Variants in CHMP3 observed in about 807,000 individuals in gnomAD.
CHMP3 encodes the protein charged multivesicular body protein 3.
A neutral mutation model predicts 27.4 loss-of-function variants in CHMP3; 8 were observed. That is an observed-to-expected ratio of 0.29 (90% CI 0.17 to 0.53). CHMP3 has a LOEUF of 0.53. Among genes scored for constraint, CHMP3 ranks in the 20% least tolerant of loss-of-function variants. The pLI, the probability that CHMP3 is intolerant of heterozygous loss-of-function variation, is 0.96. For missense variants in CHMP3, 208 were observed against 271.5 expected, an observed-to-expected ratio of 0.77 and a Z score of 1.64; for synonymous variants, 86 against 85.5, an observed-to-expected ratio of 1.01 and a Z score of -0.03.
At chr2:86,544,902 GCTC>G (rs1222019182) in intron 1 of CHMP3, among the ~76,000 whole-genome samples, 3 of 151,318 alleles carry the variant, frequency 2.0e-5, no homozygotes, top group Non-Finnish European at 3.0e-5. Context: ...GGGCAGAGGC[GCTC>G]CTCACTTCCC....
At position 86,544,136 on chromosome 2, in the gene CHMP3, TC is replaced by T. The variant is rs1054008688; in HGVS notation, c.46-1825del. Among the ~76,000 whole-genome samples, 23 of 152,250 alleles carry T rather than the reference TC, an allele frequency of 1.5e-4. 1 individual carries two copies. The highest frequency in any genetic ancestry group is 1.5e-3 in the Admixed American group (23 of 15,292). On this transcript the variant is annotated intron_variant, in intron 1 of 5. Transcript: ENST00000263856. The stretch of plus-strand genomic sequence containing the variant: ...GTTGTAGCCTGTATCAGTACTTCAG[TC>T]CTTTTTATGGCTGGAAATTATTCTT...
intron 1 of CHMP3, chr2:86,561,647 G>A (rs1053068274): frequency 1.3e-5 from 2 of 152,124 alleles, no homozygotes; most frequent in African/African-American, 2.4e-5. Context: ...GTTCGGCTCT[G>A]GCAAGCATAG....
intron 1 of CHMP3, among the ~76,000 whole-genome samples, chr2:86,557,264 C>G (rs1677163643): frequency 1.3e-5 from 2 of 152,176 alleles, no homozygotes; most frequent in Admixed American, 1.3e-4. Flanking sequence ...AAACAGAAAC[C>G]TAAGAATCAT....
At chr2:86,554,102 A>G (rs1336113954) in intron 1 of CHMP3, among the ~76,000 whole-genome samples, 2 of 152,222 alleles carry the variant, frequency 1.3e-5, no homozygotes, top group Non-Finnish European at 2.9e-5. Flanking sequence ...TGCCCCTTCA[A>G]CCATGTGAGG....
chr2:86,527,972 A>G (rs1675780187), intron 3 of CHMP3, among the ~76,000 whole-genome samples: 1 of 152,200 alleles, frequency 6.6e-6, no homozygotes, highest in Non-Finnish European at 1.5e-5. Context: ...AAAAAACAAA[A>G]ATAAATAAAT....
rs60555193 is a variant in CHMP3, at chr2:86,535,994, C to CTTTTTTTT, written c.106+6250_106+6257dup. Among the ~76,000 whole-genome samples, 40 of 111,542 alleles carry CTTTTTTTT rather than the reference C, an allele frequency of 3.6e-4. 2 individuals are homozygous for CTTTTTTTT. Among genetic ancestry groups the CTTTTTTTT allele is most frequent in the East Asian group, 1.1e-3 (4 of 3,752 alleles). The allele number at this position is 111,542 out of a possible 152,430, so 73.2% of individuals were successfully genotyped here. A position where few individuals can be genotyped will look rare whatever the true frequency, so the allele number is the denominator to read the frequency against. Reference sequence around the variant, plus strand: ...ACAAAAAGTAGAGTTATAAACCTTTCTTTTTTTTTTTTTTTTTTTGAGACG... The same window carrying CTTTTTTTT: ...ACAAAAAGTAGAGTTATAAACCTTTCTTTTTTTTTTTTTTTTTTTTTTTTTTTGAGACG... On this transcript the variant is annotated intron_variant, in intron 2 of 5. Coordinates refer to ENST00000263856, the MANE Select transcript of CHMP3 (RefSeq NM_016079.4).
intron 5 of CHMP3, among the ~76,000 whole-genome samples, chr2:86,506,706 C>T (rs746445151): frequency 1.3e-5 from 2 of 149,942 alleles, no homozygotes; most frequent in Non-Finnish European, 3.0e-5. Context: ...CTCCTGGGCT[C>T]AAGCAATCCT....
intron 2 of CHMP3, among the ~76,000 whole-genome samples, chr2:86,535,255 CAAAAAAAAAAA>C (rs574431905): frequency 1.6e-5 from 1 of 61,656 alleles, no homozygotes; most frequent in South Asian, 5.2e-4. Flanking sequence ...ACCCTATCTC[CAAAAAAAAAAA>C]AAAAAAAGGA....
chr2:86,510,869 C>T (rs1362762496), intron 3 of CHMP3: 6 of 196,784 alleles, frequency 3.0e-5, no homozygotes, highest in Non-Finnish European at 6.3e-5. Flanking sequence ...AGCAGAGCTC[C>T]CCACACACCA....
rs983752793 is a variant in CHMP3 at position 86,504,501 on chromosome 2, T to A, written c.*1303A>T. The A allele has an allele frequency of 1.0e-4, 1 of 10,026 alleles. No homozygotes were observed. Among genetic ancestry groups the A allele is most frequent in the Admixed American group, 8.9e-4 (1 of 1,118 alleles). 0.6% of individuals were successfully genotyped at this position (10,026 alleles called of 1,614,324 possible). On this transcript the variant is annotated 3_prime_UTR_variant, in exon 6 of 6. Transcript: ENST00000263856. ...GGGTCCTCTGGACTCAAAAATGAAA[T>A]TTTTTTTTTTTTTTTTTTTTTTTTT...
At chr2:86,534,051 T>C (rs1222679349) in intron 2 of CHMP3, among the ~76,000 whole-genome samples, 1 of 152,300 alleles carries the variant, frequency 6.6e-6, no homozygotes, top group Admixed American at 6.5e-5. Flanking sequence ...AGATACCTTA[T>C]ATATCTTTTA....
intron 3 of CHMP3, among the ~76,000 whole-genome samples, chr2:86,515,763 T>C (rs1558645831): frequency 6.6e-6 from 1 of 152,250 alleles, no homozygotes; most frequent in African/African-American, 2.4e-5. Flanking sequence ...AAGACTCAAG[T>C]GCTCCTACAT....
At chr2:86,526,632 T>C (rs1440432954) in intron 3 of CHMP3, among the ~76,000 whole-genome samples, 1 of 152,156 alleles carries the variant, frequency 6.6e-6, no homozygotes, top group Non-Finnish European at 1.5e-5. Flanking sequence ...TAATTTCATC[T>C]AGTAGTTCAA....
At chr2:86,542,334 G>T (rs777784945) in intron 1 of CHMP3, 22 bp from the exon 2 acceptor site, 1 of 1,611,108 alleles carries the variant, frequency 6.2e-7, no homozygotes, top group Non-Finnish European at 8.5e-7. Flanking sequence ...TTTAGAAAAG[G>T]AATGAGGAGA....
chr2:86,505,742 G>A lies in CHMP3; in HGVS notation c.*62C>T. The A allele has an allele frequency of 7.0e-7, 1 of 1,429,042 alleles. No individual in the cohort carries two copies. Among genetic ancestry groups the A allele is most frequent in the Non-Finnish European group, 9.2e-7 (1 of 1,081,844 alleles). The allele number at this position is 1,429,042 out of a possible 1,614,324, so 88.5% of individuals were successfully genotyped here. A position where few individuals can be genotyped will look rare whatever the true frequency, so the allele number is the denominator to read the frequency against. ...TCCTCACAACAGAGGTGTAGTGCAA[G>A]AGACACATAAAATGGCAGCTCTTGA... is the stretch of plus-strand genomic sequence containing the variant. On this transcript the variant is annotated 3_prime_UTR_variant, in exon 6 of 6. Transcript: ENST00000263856.
intron 2 of CHMP3, 60 bp downstream of exon 2, chr2:86,542,192 T>C: frequency 1.3e-6 from 2 of 1,553,946 alleles, no homozygotes; most frequent in East Asian, 2.3e-5. Context: ...TTTATTTTTA[T>C]GAACTGAAGC....
intron 1 of CHMP3, among the ~76,000 whole-genome samples, chr2:86,552,604 T>C (rs1676952515): frequency 6.6e-6 from 1 of 152,144 alleles, no homozygotes; most frequent in South Asian, 2.1e-4. Flanking sequence ...AAGGAAAACA[T>C]AATGTAAAGA....
chr2:86,543,448 T>G (rs1023852957), intron 1 of CHMP3, among the ~76,000 whole-genome samples: 6 of 152,200 alleles, frequency 3.9e-5, no homozygotes, highest in African/African-American at 1.4e-4. Context: ...CACAAAAGAT[T>G]CTGCAAAAAC....
At chr2:86,550,433 A>G (rs1036589731) in intron 1 of CHMP3, among the ~76,000 whole-genome samples, 1 of 151,714 alleles carries the variant, frequency 6.6e-6, no homozygotes, top group African/African-American at 2.4e-5. Context: ...GGAGAAAGGG[A>G]GAGGGAGAAA....
Sources: allele counts gnomAD v4.1 joint callset (sites outside exome capture counted in the v4.1 genomes callset), GRCh38; gene constraint gnomAD v4.1.1; transcripts MANE v1.5; gene names NCBI Gene and HGNC (gene_info 2026-07-23, HGNC 2026-07-21).